The following TEX22 variants were observed in gnomAD, a reference collection of about 807,000 sequenced individuals.
TEX22 encodes the protein testis-expressed protein 22.
Under a neutral mutation model 11.3 loss-of-function variants are expected in TEX22, and 16 were observed. The observed-to-expected ratio is 1.42, with a 90% confidence interval of 0.96 to 2.15. The LOEUF is 2.15. Among genes scored for constraint, TEX22 ranks in the 30% most tolerant of loss-of-function variants. The probability of loss-of-function intolerance (pLI) is 0.00; values close to 1 mark genes in which losing one functional copy is unlikely to be tolerated. For synonymous variants in TEX22, 97 were observed against 92.3 expected (o/e 1.05, Z -0.29); for missense variants, 220 against 208.6 (o/e 1.05, Z -0.34).
chr14:105,402,522 G>GA (rs2081634101), intron 2 of TEX22, among the ~76,000 whole-genome samples: 4 of 150,662 alleles, frequency 2.7e-5, no homozygotes, highest in African/African-American at 7.5e-5. Flanking sequence ...TGGGAGGCTG[G>GA]GGCGGGCAGA....
intron 2 of TEX22, among the ~76,000 whole-genome samples, chr14:105,402,613 G>A (rs894558228): frequency 2.0e-4 from 31 of 152,040 alleles, no homozygotes; most frequent in South Asian, 8.3e-4. Flanking sequence ...AAAATTAGCC[G>A]GGCGTGGTGG....
At chr14:105,399,852 G>T (rs1171913905) in intron 2 of TEX22, among the ~76,000 whole-genome samples, 2 of 152,164 alleles carry the variant, frequency 1.3e-5, no homozygotes, top group Admixed American at 6.5e-5. Flanking sequence ...AGGGGGGGTG[G>T]TGTCCTCCCA....
chr14:105,411,550 G>T (rs1312369416), intron 3 of TEX22, 54 bp downstream of exon 3: 2 of 472,974 alleles, frequency 4.2e-6, no homozygotes, highest in East Asian at 7.5e-4. Context: ...CCGCCCCTCC[G>T]CCTCGCCTCC....
At chr14:105,401,046 CTGAG>C (rs1461367309) in intron 2 of TEX22, among the ~76,000 whole-genome samples, 1 of 152,130 alleles carries the variant, frequency 6.6e-6, no homozygotes, top group Non-Finnish European at 1.5e-5. Context: ...TTGAAAAATC[CTGAG>C]TAAGTACTAG....
chr14:105,409,728 T>A (rs782681779), intron 2 of TEX22, among the ~76,000 whole-genome samples: 1 of 110,026 alleles, frequency 9.1e-6, no homozygotes, highest in Non-Finnish European at 2.5e-5. Flanking sequence ...TCATTCATTC[T>A]TTCTTTCGTT....
At chr14:105,408,544 T>A (rs2081671003) in intron 2 of TEX22, among the ~76,000 whole-genome samples, 1 of 152,138 alleles carries the variant, frequency 6.6e-6, no homozygotes. Flanking sequence ...CTGCCTTAGC[T>A]TCCCAAGTAG....
intron 2 of TEX22, among the ~76,000 whole-genome samples, chr14:105,405,247 A>C (rs2081652363): frequency 6.6e-6 from 1 of 151,986 alleles, no homozygotes; most frequent in Non-Finnish European, 1.5e-5. Flanking sequence ...CTGAGATTGC[A>C]CCACCACACT....
chr14:105,408,342 A>G (rs2081669804), intron 2 of TEX22, among the ~76,000 whole-genome samples: 2 of 151,916 alleles, frequency 1.3e-5, no homozygotes, highest in Non-Finnish European at 2.9e-5. Context: ...CCGGGGTTCA[A>G]GTGGTTCTCC....
At chr14:105,402,699 T>A (rs984629973) in intron 2 of TEX22, among the ~76,000 whole-genome samples, 1 of 141,622 alleles carries the variant, frequency 7.1e-6, no homozygotes, top group Admixed American at 7.7e-5. Context: ...GAGCTTGCAG[T>A]GAGACGAGAT....
At chr14:105,402,112 G>C (rs2081630546) in intron 2 of TEX22, among the ~76,000 whole-genome samples, 2 of 152,116 alleles carry the variant, frequency 1.3e-5, no homozygotes, top group Non-Finnish European at 2.9e-5. Context: ...CTTGAACCTG[G>C]GAGTTGGAGG....
intron 2 of TEX22, among the ~76,000 whole-genome samples, chr14:105,402,722 C>T (rs587748538): frequency 2.0e-5 from 3 of 149,168 alleles, no homozygotes; most frequent in South Asian, 2.1e-4. Flanking sequence ...CGCTACTGCA[C>T]TCCAGCCTGG....
intron 2 of TEX22, among the ~76,000 whole-genome samples, chr14:105,401,278 T>G (rs1407162806): frequency 3.3e-5 from 5 of 152,200 alleles, no homozygotes; most frequent in Non-Finnish European, 7.3e-5. Flanking sequence ...CAAAGGAATT[T>G]TGAAATCTGT....
In TEX22 at chr14:105,399,484, G is replaced by C. The variant is rs782635173; in HGVS notation, c.144G>C (p.Gln48His). The change falls in exon 2 of 4, where the codon CAG becomes CAC. Residue 48 changes from glutamine (Q) to histidine (H), a missense_variant. Physicochemically the swap from Gln to His is conservative, Grantham distance 24. Transcript: ENST00000451127. Reference protein sequence around the residue: ...QSSVQQGLQTQDWVCEPPERR... With the variant: ...QSSVQQGLQTHDWVCEPPERR... ...GCGTTCAGCAGGGACTGCAGACTCA[G>C]GACTGGGTAAGCGGAAGGAAACCCT... is the stretch of plus-strand genomic sequence containing the variant. The C allele has an allele frequency of 1.3e-6, 2 of 1,532,830 alleles. No homozygotes were observed. The highest frequency in any genetic ancestry group is 2.4e-5 in the South Asian group (2 of 83,944). 95.0% of individuals were successfully genotyped at this position (1,532,830 alleles called of 1,614,324 possible).
intron 2 of TEX22, among the ~76,000 whole-genome samples, chr14:105,404,499 C>G (rs1555418734): frequency 3.3e-5 from 5 of 152,202 alleles, no homozygotes. Context: ...ACAGCTCTCA[C>G]AGGCAGTCAT....
At chr14:105,407,180 G>A (rs1182273573) in intron 2 of TEX22, among the ~76,000 whole-genome samples, 1 of 150,028 alleles carries the variant, frequency 6.7e-6, no homozygotes, top group Non-Finnish European at 1.5e-5. Context: ...CAATTCTCCT[G>A]TCTCAGCCTC....
At position 105,401,619 on chromosome 14, in the gene TEX22, T is replaced by TA. The variant is rs587698018; in HGVS notation, c.150+2130dup. 2.0e-3 allele frequency among the ~76,000 whole-genome samples: 294 copies of TA among 149,050 alleles called. 1 individual carries two copies. Among genetic ancestry groups the TA allele is most frequent in the African/African-American group, 6.2e-3 (253 of 40,614 alleles). On this transcript the variant is annotated intron_variant, in intron 2 of 3. Transcript: ENST00000451127. Reference sequence around the variant, plus strand: ...AGGGGGGAGGGATAGCATTAGGAGATACACCTAATGCTAAATGACGAGTTA... The same window carrying TA: ...AGGGGGGAGGGATAGCATTAGGAGATAACACCTAATGCTAAATGACGAGTTA...
At chr14:105,406,795 T>G (rs1307639668) in intron 2 of TEX22, among the ~76,000 whole-genome samples, 1 of 152,148 alleles carries the variant, frequency 6.6e-6, no homozygotes, top group African/African-American at 2.4e-5. Flanking sequence ...TATTGGTTTT[T>G]CAAAGAGCCC....
At chr14:105,400,894 A>G (rs2081623155) in intron 2 of TEX22, among the ~76,000 whole-genome samples, 1 of 152,234 alleles carries the variant, frequency 6.6e-6, no homozygotes, top group Non-Finnish European at 1.5e-5. Context: ...ACAAGAAATT[A>G]GTCATCCTCA....
chr14:105,399,244 G>C (rs2141352803), intron 1 of TEX22, 58 bp from the exon 2 acceptor site: 1 of 1,040,662 alleles, frequency 9.6e-7, no homozygotes, highest in South Asian at 1.6e-5. Flanking sequence ...TCAGGTATTG[G>C]TGGGCACGTG....
Sources: allele counts gnomAD v4.1 joint callset (sites outside exome capture counted in the v4.1 genomes callset), GRCh38; gene constraint gnomAD v4.1.1; transcripts MANE v1.5; gene names NCBI Gene and HGNC (gene_info 2026-07-23, HGNC 2026-07-21).